The following NRG3 variants were observed in gnomAD, a reference collection of about 807,000 sequenced individuals.
The protein encoded by NRG3 is neuregulin 3.
A neutral mutation model predicts 66.9 loss-of-function variants in NRG3; 31 were observed. That is an observed-to-expected ratio of 0.46 (90% CI 0.35 to 0.63). The LOEUF (loss-of-function observed/expected upper bound fraction) is 0.63, where lower values mean the gene tolerates loss of function less well. Among genes scored for constraint, NRG3 ranks in the 20% least tolerant of loss-of-function variants. The probability of loss-of-function intolerance (pLI) is 0.00; values close to 1 mark genes in which losing one functional copy is unlikely to be tolerated. For missense variants in NRG3, 910 were observed against 878.9 expected (o/e 1.04, Z -0.45); for synonymous variants, 393 against 359.4 (o/e 1.09, Z -1.06).
chr10:82,967,103 T>C (rs1851283161), intron 6 of NRG3, among the ~76,000 whole-genome samples: 1 of 150,700 alleles, frequency 6.6e-6, no homozygotes, highest in South Asian at 2.1e-4. Context: ...AGGGATGTCT[T>C]TTCTTGGCCT....
chr10:82,338,762 C>T (rs1214207750), intron 1 of NRG3, among the ~76,000 whole-genome samples: 5 of 152,160 alleles, frequency 3.3e-5, no homozygotes, highest in Admixed American at 6.6e-5. Flanking sequence ...ATTTAGGCTT[C>T]GTGAAACCCC....
intron 1 of NRG3, among the ~76,000 whole-genome samples, chr10:82,126,490 A>G (rs182879238): frequency 1.5e-4 from 23 of 152,196 alleles, no homozygotes; most frequent in African/African-American, 5.1e-4. Context: ...TCGGTAGATC[A>G]GCCACAAGTT....
At chr10:82,180,053 G>A (rs2073307944) in intron 1 of NRG3, among the ~76,000 whole-genome samples, 1 of 151,548 alleles carries the variant, frequency 6.6e-6, no homozygotes, top group African/African-American at 2.4e-5. Flanking sequence ...CATTGTTAGT[G>A]TATAAACACA....
chr10:82,594,334 C>A (rs2047149326), intron 2 of NRG3, among the ~76,000 whole-genome samples: 1 of 152,042 alleles, frequency 6.6e-6, no homozygotes, highest in African/African-American at 2.4e-5. Flanking sequence ...TAATATGGAA[C>A]AATAAATAAT....
At chr10:81,970,269 C>T (rs1331137973) in intron 1 of NRG3, among the ~76,000 whole-genome samples, 1 of 152,102 alleles carries the variant, frequency 6.6e-6, no homozygotes, top group Non-Finnish European at 1.5e-5. Flanking sequence ...CTGGCATTTA[C>T]TGGTAAATCA....
intron 6 of NRG3, among the ~76,000 whole-genome samples, chr10:82,961,993 G>A (rs942257201): frequency 3.9e-5 from 6 of 152,154 alleles, no homozygotes; most frequent in African/African-American, 1.4e-4. Context: ...TTTAACAAAT[G>A]AATTGTCTGG....
intron 3 of NRG3, among the ~76,000 whole-genome samples, chr10:82,821,191 G>C (rs1591627190): frequency 6.6e-6 from 1 of 152,074 alleles, no homozygotes. Flanking sequence ...CAGCTGAGCT[G>C]CCCTCTTTGT....
chr10:82,732,136 T>G (rs939798020), intron 2 of NRG3, among the ~76,000 whole-genome samples: 14 of 152,140 alleles, frequency 9.2e-5, no homozygotes, highest in Middle Eastern at 3.2e-3. Context: ...TATATATAAT[T>G]TTTATGTCAT....
intron 1 of NRG3, among the ~76,000 whole-genome samples, chr10:82,259,004 A>C (rs376027278): frequency 5.3e-5 from 8 of 152,250 alleles, no homozygotes; most frequent in African/African-American, 1.9e-4. Flanking sequence ...CAGGAAACTA[A>C]TTGTGAAATG....
intron 1 of NRG3, among the ~76,000 whole-genome samples, chr10:82,087,771 C>G (rs1012002652): frequency 6.6e-6 from 1 of 152,110 alleles, no homozygotes; most frequent in Non-Finnish European, 1.5e-5. Flanking sequence ...TAAACCCTGA[C>G]TTGTCCTCAC....
At chr10:81,937,826 T>C (rs974574200) in intron 1 of NRG3, among the ~76,000 whole-genome samples, 1 of 152,128 alleles carries the variant, frequency 6.6e-6, no homozygotes, top group Non-Finnish European at 1.5e-5. Context: ...CCAAATCTAA[T>C]GTTATAAAGC....
chr10:82,594,880 C>A (rs144408955), intron 2 of NRG3, among the ~76,000 whole-genome samples: 2 of 151,158 alleles, frequency 1.3e-5, no homozygotes. Context: ...TCATGGTCAT[C>A]GCCTCTCAAA....
At chr10:82,430,861 G>A (rs1265373337) in intron 2 of NRG3, among the ~76,000 whole-genome samples, 1 of 152,112 alleles carries the variant, frequency 6.6e-6, no homozygotes. Context: ...TGCTGGGGAT[G>A]ACTTCAATCT....
chr10:82,856,596 T>G (rs987558986), intron 3 of NRG3, among the ~76,000 whole-genome samples: 42 of 151,626 alleles, frequency 2.8e-4, no homozygotes, highest in African/African-American at 9.9e-4. Context: ...AATACAAAAA[T>G]TAGCTGGGCA....
intron 3 of NRG3, among the ~76,000 whole-genome samples, chr10:82,827,807 T>C (rs572526091): frequency 1.3e-5 from 2 of 152,314 alleles, no homozygotes; most frequent in African/African-American, 4.8e-5. Flanking sequence ...CATATTTTTA[T>C]GTTAAAAGTA....
At chr10:82,048,274 A>C (rs1310603299) in intron 1 of NRG3, among the ~76,000 whole-genome samples, 2 of 151,952 alleles carry the variant, frequency 1.3e-5, no homozygotes, top group Non-Finnish European at 2.9e-5. Context: ...AGAACTCTCC[A>C]CCCCAAATCA....
At chr10:82,701,010 C>A (rs544532634) in intron 2 of NRG3, among the ~76,000 whole-genome samples, 131 of 151,852 alleles carry the variant, frequency 8.6e-4, no homozygotes, top group Non-Finnish European at 1.5e-3. Context: ...TAATTAAACT[C>A]ACATATAAGA....
At chr10:82,863,744 T>A (rs1055347654) in intron 3 of NRG3, among the ~76,000 whole-genome samples, 1 of 152,144 alleles carries the variant, frequency 6.6e-6, no homozygotes, top group Non-Finnish European at 1.5e-5. Flanking sequence ...CTCTCCCTCC[T>A]AGGAGCAAGT....
intron 1 of NRG3, among the ~76,000 whole-genome samples, chr10:82,168,807 G>C (rs2072318463): frequency 6.6e-6 from 1 of 152,010 alleles, no homozygotes; most frequent in Non-Finnish European, 1.5e-5. Context: ...CAATTTTAGA[G>C]GTATCATTTC....
Sources: gnomAD v4.1 joint callset for allele counts (sites outside exome capture counted in the v4.1 genomes callset) on GRCh38, gnomAD v4.1.1 for gene constraint, MANE v1.5 for transcripts, NCBI Gene and HGNC (gene_info 2026-07-23, HGNC 2026-07-21) for gene names.